GVQW3: variants seen among roughly 807,000 people sequenced by gnomAD.
GVQW3 encodes protein GVQW3.
A neutral mutation model predicts 12.5 loss-of-function variants in GVQW3; 7 were observed. That is an observed-to-expected ratio of 0.56 (90% confidence interval 0.32 to 1.05). The LOEUF is 1.05. Among genes scored for constraint, GVQW3 ranks in the 50% least tolerant of loss-of-function variants. The probability of loss-of-function intolerance (pLI) is 0.04; values close to 1 mark genes in which losing one functional copy is unlikely to be tolerated. For missense variants in GVQW3, 188 were observed against 190.8 expected, an observed-to-expected ratio of 0.99 and a Z score of 0.09; for synonymous variants, 71 against 67.2, an observed-to-expected ratio of 1.06 and a Z score of -0.28.
In GVQW3 at chr11:76,406,150, T is replaced by TG. The variant is rs976691303; in HGVS notation, c.*2392_*2393insG. The TG allele has an allele frequency of 3.9e-5, 6 of 152,056 alleles. No individual in the cohort carries two copies. The highest frequency in any genetic ancestry group is 1.5e-4 in the African/African-American group (6 of 41,316). The allele number at this position is 152,056 out of a possible 1,614,324, so 9.4% of individuals were successfully genotyped here. A position where few individuals can be genotyped will look rare whatever the true frequency, so the allele number is the denominator to read the frequency against. On this transcript the variant is annotated 3_prime_UTR_variant, in exon 2 of 2. Coordinates refer to ENST00000529331, the MANE Select transcript of GVQW3 (RefSeq NM_001347885.2). ...ACCATGCCCAGCTAATTTTTGCATTTTTTGTAGAGTCAGGGTTTCACCCTG... is the reference window on the plus strand; with the variant it reads ...ACCATGCCCAGCTAATTTTTGCATTTGTTTGTAGAGTCAGGGTTTCACCCTG...
chr11:76,399,143 T>G (rs1250407048), intron 1 of GVQW3, among the ~76,000 whole-genome samples: 4 of 151,688 alleles, frequency 2.6e-5, no homozygotes, highest in African/African-American at 9.8e-5. Context: ...TTATTTTATT[T>G]TATTTTATTT....
chr11:76,399,855 C>G (rs1946971725), intron 1 of GVQW3, among the ~76,000 whole-genome samples: 1 of 152,090 alleles, frequency 6.6e-6, no homozygotes, highest in Non-Finnish European at 1.5e-5. Context: ...CTCTCCTTTT[C>G]CTCAGGCCTC....
chr11:76,406,954 G>A lies in GVQW3; in HGVS notation c.*3196G>A, dbSNP rs1190338618. On this transcript the variant is annotated 3_prime_UTR_variant, in exon 2 of 2. Coordinates refer to ENST00000529331, the MANE Select transcript of GVQW3 (RefSeq NM_001347885.2). ...ACCTGGGAGGCGGAGCTTGCAGTGA[G>A]CCAAGGTCACACCACTGCACTCCAG... 1.3e-5 allele frequency: 2 copies of A among 152,120 alleles called. No individual in the cohort carries two copies. Among genetic ancestry groups the A allele is most frequent in the Non-Finnish European group, 2.9e-5 (2 of 68,052 alleles). 9.4% of individuals were successfully genotyped at this position (152,120 alleles called of 1,614,324 possible). A position where few individuals can be genotyped will look rare whatever the true frequency, so the allele number is the denominator to read the frequency against.
intron 1 of GVQW3, among the ~76,000 whole-genome samples, chr11:76,401,062 A>G (rs1946984748): frequency 4.0e-5 from 6 of 150,068 alleles, no homozygotes; most frequent in Admixed American, 3.3e-4. Flanking sequence ...TTTTTGAGAC[A>G]GGGTTTCACT....
In GVQW3 at chr11:76,403,841, T is replaced by C. The variant is rs80006998; in HGVS notation, c.*83T>C. Reference sequence around the variant, plus strand: ...CAGGCCGAAGAGCGAGGAGTGCTGATGTACAAGGGCAGGAGAAGATGGATG... The same window carrying C: ...CAGGCCGAAGAGCGAGGAGTGCTGACGTACAAGGGCAGGAGAAGATGGATG... On this transcript the variant is annotated 3_prime_UTR_variant, in exon 2 of 2. Transcript: ENST00000529331. 0.043 allele frequency: 29,419 copies of C among 689,762 alleles called. 776 individuals are homozygous for C. Among genetic ancestry groups the C allele is most frequent in the Non-Finnish European group, 0.052 (19,567 of 376,928 alleles). The allele number at this position is 689,762 out of a possible 1,614,324, so 42.7% of individuals were successfully genotyped here.
intron 1 of GVQW3, among the ~76,000 whole-genome samples, chr11:76,385,833 C>T (rs142865749): frequency 1.3e-5 from 2 of 152,106 alleles, no homozygotes; most frequent in Non-Finnish European, 2.9e-5. Flanking sequence ...GTTGCACTCC[C>T]CAGAGGCACC....
intron 1 of GVQW3, among the ~76,000 whole-genome samples, chr11:76,393,183 A>G (rs558268204): frequency 6.6e-6 from 1 of 152,384 alleles, no homozygotes; most frequent in South Asian, 2.1e-4. Flanking sequence ...TGTAGAATAC[A>G]TAAAATGAGG....
chr11:76,384,578 G>A (rs971672235), intron 1 of GVQW3, among the ~76,000 whole-genome samples: 5 of 152,076 alleles, frequency 3.3e-5, no homozygotes, highest in African/African-American at 9.7e-5. Flanking sequence ...CCACCTCGGC[G>A]TCCCAAAGTG....
rs899104418 is a variant in GVQW3, at chr11:76,396,670, G to A, written c.466-6990G>A. ...ATTTAGATTTATAAACCTGCATACC[G>A]GCTTCGTTGCCTATCTTTCTCTCTT... is the stretch of plus-strand genomic sequence containing the variant. On this transcript the variant is annotated intron_variant, in intron 1 of 1. Coordinates refer to ENST00000529331, the MANE Select transcript of GVQW3 (RefSeq NM_001347885.2). Among the ~76,000 whole-genome samples the A allele has an allele frequency of 3.9e-5, 6 of 152,024 alleles. No homozygotes were observed. The South Asian group carries it at 1.2e-3, about 31-fold the overall frequency.
At chr11:76,398,467 A>T (rs1403463294) in intron 1 of GVQW3, among the ~76,000 whole-genome samples, 2 of 152,004 alleles carry the variant, frequency 1.3e-5, no homozygotes, top group African/African-American at 4.8e-5. Context: ...GCATGCCACC[A>T]CGCCCAGCTA....
At position 76,382,186 on chromosome 11, in the gene GVQW3, A is replaced by G. The variant is rs758915921; in HGVS notation, c.358A>G (p.Lys120Glu). Reference sequence around the variant, plus strand: ...CTTGAACATGAGGAAGATTTCTGCAAAAGTTATTTCGGGTGTTTTGAAGGG... The same window carrying G: ...CTTGAACATGAGGAAGATTTCTGCAGAAGTTATTTCGGGTGTTTTGAAGGG... Reference protein sequence around the residue: ...ENLNMRKISAKVISGVLKGEP... With the variant: ...ENLNMRKISAEVISGVLKGEP... The change falls in exon 1 of 2, where the codon AAA becomes GAA. Residue 120 changes from lysine to glutamate, a missense_variant. Physicochemically the swap from Lys to Glu is moderately conservative, Grantham distance 56. Transcript: ENST00000529331. 2.0e-5 allele frequency: 30 copies of G among 1,536,100 alleles called. No homozygotes were observed. The highest frequency in any genetic ancestry group is 1.7e-4 in the Middle Eastern group (1 of 6,012).
At chr11:76,409,330 G>A (rs1189061036), downstream of GVQW3, among the ~76,000 whole-genome samples, 4 of 152,164 alleles carry the variant, frequency 2.6e-5, no homozygotes. Context: ...AAAATATTGG[G>A]TTATAAATGT....
At chr11:76,408,318 C>T (rs1947060860), downstream of GVQW3, among the ~76,000 whole-genome samples, 1 of 152,130 alleles carries the variant, frequency 6.6e-6, no homozygotes, top group African/African-American at 2.4e-5. Context: ...AAAGAGGTAA[C>T]ATTTGTTCGG....
At chr11:76,383,845 G>A (rs1946804776) in intron 1 of GVQW3, 1 of 152,086 alleles carries the variant, frequency 6.6e-6, no homozygotes, top group Non-Finnish European at 1.5e-5. Flanking sequence ...TAAAGAGGAA[G>A]ATAATGGTGT....
At chr11:76,393,939 C>T (rs1452188379) in intron 1 of GVQW3, among the ~76,000 whole-genome samples, 7 of 152,014 alleles carry the variant, frequency 4.6e-5, no homozygotes, top group Non-Finnish European at 1.0e-4. Context: ...TGCTCTGTCA[C>T]CCAGGCTGGA....
intron 1 of GVQW3, among the ~76,000 whole-genome samples, chr11:76,394,175 C>T (rs571533917): frequency 1.4e-4 from 21 of 152,262 alleles, no homozygotes; most frequent in Non-Finnish European, 2.6e-4. Context: ...TGATTATAGG[C>T]GTGAGCCACC....
At position 76,406,295 on chromosome 11, in the gene GVQW3, T is replaced by C. The variant is rs1181172592; in HGVS notation, c.*2537T>C. On this transcript the variant is annotated 3_prime_UTR_variant, in exon 2 of 2. Transcript: ENST00000529331. ...GCCTGGAGCTCAGTTCTGAAATAAG[T>C]TGACACCTGTCCCTGGGGCTATCCA... 2 of 152,422 alleles carry C rather than the reference T, an allele frequency of 1.3e-5. No individual in the cohort carries two copies. The highest frequency in any genetic ancestry group is 2.9e-5 in the Non-Finnish European group (2 of 68,238). 9.4% of individuals were successfully genotyped at this position (152,422 alleles called of 1,614,324 possible).
chr11:76,390,618 G>A (rs1340333446), intron 1 of GVQW3, among the ~76,000 whole-genome samples: 1 of 152,128 alleles, frequency 6.6e-6, no homozygotes, highest in Non-Finnish European at 1.5e-5. Flanking sequence ...GGTGGATCAC[G>A]AGGTCAGGAG....
rs1947027781 is a variant in GVQW3 at position 76,405,197 on chromosome 11, C to G, written c.*1439C>G. 1 of 152,162 alleles carries G rather than the reference C, an allele frequency of 6.6e-6. No individual in the cohort carries two copies. The allele number at this position is 152,162 out of a possible 1,614,324, so 9.4% of individuals were successfully genotyped here. ...CAGTTCAGACTCAGCAGTCCTGTTTCATCAGGAAAGCAAAAGCTCTCCCAG... is the reference window on the plus strand; with the variant it reads ...CAGTTCAGACTCAGCAGTCCTGTTTGATCAGGAAAGCAAAAGCTCTCCCAG... On this transcript the variant is annotated 3_prime_UTR_variant, in exon 2 of 2. Coordinates refer to ENST00000529331, the MANE Select transcript of GVQW3 (RefSeq NM_001347885.2).
Sources: allele counts gnomAD v4.1 joint callset (sites outside exome capture counted in the v4.1 genomes callset), GRCh38; gene constraint gnomAD v4.1.1; transcripts MANE v1.5; gene names NCBI Gene and HGNC (gene_info 2026-07-23, HGNC 2026-07-21).